The following ANO1 variants were observed in gnomAD, a reference collection of about 807,000 sequenced individuals.
The protein encoded by ANO1 is anoctamin-1.
ANO1 carries 59 observed loss-of-function variants against 124.0 expected under a neutral mutation model. The ratio of observed to expected loss-of-function variants is 0.48; its 90% CI spans 0.39 to 0.59. The LOEUF (loss-of-function observed/expected upper bound fraction) is 0.59. Among genes scored for constraint, ANO1 ranks in the 20% least tolerant of loss-of-function variants. The pLI is 0.00. For synonymous variants in ANO1, 529 were observed against 532.0 expected, an observed-to-expected ratio of 0.99 and a Z score of 0.08; for missense variants, 1,059 against 1,328.0, an observed-to-expected ratio of 0.80 and a Z score of 3.15.
At chr11:70,013,000 C>T (rs61886393) in intron 1 of ANO1, among the ~76,000 whole-genome samples, 14,028 of 152,118 alleles carry the variant, frequency 0.092, 997 homozygotes, top group East Asian at 0.4. Context: ...CTGAGAGGGG[C>T]GCAATGAAGG....
At chr11:70,132,546 G>A (rs1038023514) in intron 11 of ANO1, among the ~76,000 whole-genome samples, 2 of 152,162 alleles carry the variant, frequency 1.3e-5, no homozygotes, top group Admixed American at 6.5e-5. Flanking sequence ...ATAAGGAGGC[G>A]AAGGCCTAAG....
At chr11:70,058,780 T>A (rs1857498774) in intron 1 of ANO1, among the ~76,000 whole-genome samples, 1 of 152,170 alleles carries the variant, frequency 6.6e-6, no homozygotes, top group South Asian at 2.1e-4. Flanking sequence ...CTTTAAAAGA[T>A]CATTAGTCCA....
chr11:70,037,571 G>A (rs1165277699), intron 1 of ANO1, among the ~76,000 whole-genome samples: 2 of 152,084 alleles, frequency 1.3e-5, no homozygotes, highest in African/African-American at 4.8e-5. Flanking sequence ...CAACCTTCAA[G>A]GGCAAGCCAG....
At position 70,087,604 on chromosome 11, in the gene ANO1, A is replaced by G. The variant is rs1428094230; in HGVS notation, c.109-148A>G. On this transcript the variant is annotated intron_variant, in intron 1 of 25. Transcript: ENST00000355303. The stretch of plus-strand genomic sequence containing the variant: ...TGTTCCCAGGTGTATCTCAGGCCCT[A>G]GGACAGTGCCTGGCCCGTGGAGGGC... 2.4e-5 allele frequency: 17 copies of G among 703,066 alleles called. No individual in the cohort carries two copies. The South Asian group carries it at 3.4e-4, about 14-fold the overall frequency. 43.6% of individuals were successfully genotyped at this position (703,066 alleles called of 1,614,324 possible).
intron 4 of ANO1, among the ~76,000 whole-genome samples, chr11:70,105,044 G>A (rs1026544635): frequency 7.9e-5 from 12 of 152,012 alleles, no homozygotes; most frequent in Admixed American, 7.9e-4. Context: ...AGGGGCTTGG[G>A]GCATTAGAGG....
intron 1 of ANO1, among the ~76,000 whole-genome samples, chr11:69,990,345 A>G (rs61885145): frequency 0.18 from 27,763 of 152,220 alleles, 2,822 homozygotes; most frequent in Admixed American, 0.22. Context: ...TTTATGGAGG[A>G]ATAATGTTCC....
At chr11:70,012,534 C>CCATCCATCCATCCATTGTTA (rs1856617510) in intron 1 of ANO1, among the ~76,000 whole-genome samples, 1 of 151,602 alleles carries the variant, frequency 6.6e-6, no homozygotes, top group African/African-American at 2.4e-5. Context: ...ATCCATTGTT[C>CCATCCATCCATCCATTGTTA]CATCTATCTA....
At chr11:69,978,243 C>T in the ANO1 span, among the ~76,000 whole-genome samples, 2 of 152,186 alleles carry the variant, frequency 1.3e-5, no homozygotes, top group Non-Finnish European at 1.5e-5. Context: ...TCGGGTCCGA[C>T]GAAAACAGCA....
chr11:70,156,847 C>T, intron 15 of ANO1, 100 bp from the exon 16 acceptor site: 1 of 1,026,258 alleles, frequency 9.7e-7, no homozygotes, highest in Non-Finnish European at 1.5e-6. Flanking sequence ...TTCAAGTTGT[C>T]CCTGGGCCCA....
chr11:70,185,766 T>A (rs1276617870), intron 25 of ANO1, 71 bp downstream of exon 25: 2 of 1,513,676 alleles, frequency 1.3e-6, no homozygotes, highest in African/African-American at 2.7e-5. Context: ...GCCTACAGTC[T>A]GGAAGTCAGG....
chr11:70,046,298 G>A (rs1314939571), intron 1 of ANO1, among the ~76,000 whole-genome samples: 1 of 152,090 alleles, frequency 6.6e-6, no homozygotes, highest in African/African-American at 2.4e-5. Context: ...AGGGCAAGAT[G>A]GCACACACCA....
intron 11 of ANO1, among the ~76,000 whole-genome samples, chr11:70,141,063 C>T (rs1240587631): frequency 6.6e-6 from 1 of 152,154 alleles, no homozygotes; most frequent in Non-Finnish European, 1.5e-5. Context: ...CAGATGCGCA[C>T]CCCGGCCCAT....
chr11:69,970,546 T>C, the ANO1 span, among the ~76,000 whole-genome samples: 1 of 152,176 alleles, frequency 6.6e-6, no homozygotes, highest in Non-Finnish European at 1.5e-5. Context: ...AGCGAAATGT[T>C]TACATAAGGG....
chr11:70,067,007 C>T (rs989315517), intron 1 of ANO1, among the ~76,000 whole-genome samples: 2 of 152,174 alleles, frequency 1.3e-5, no homozygotes, highest in Non-Finnish European at 1.5e-5. Context: ...GGATCATGAC[C>T]GGCACTGCTG....
At chr11:69,998,476 G>A (rs1430340018) in intron 1 of ANO1, among the ~76,000 whole-genome samples, 1 of 152,242 alleles carries the variant, frequency 6.6e-6, no homozygotes, top group African/African-American at 2.4e-5. Context: ...GCCCCATTGT[G>A]TGGGCGTCCT....
intron 5 of ANO1, 58 bp from the exon 6 acceptor site, chr11:70,108,295 T>G: frequency 1.3e-6 from 2 of 1,553,124 alleles, no homozygotes. Context: ...GCAGACTGTT[T>G]CTGCTCGTGG....
In ANO1 at chr11:70,029,447, T is replaced by C. The variant is rs577865792; in HGVS notation, c.58+43281T>C. Among the ~76,000 whole-genome samples the C allele has an allele frequency of 2.1e-3, 322 of 152,326 alleles. 1 individual carries two copies. Among genetic ancestry groups the C allele is most frequent in the African/African-American group, 7.1e-3 (297 of 41,586 alleles). ...GGTGTTTCCTGGGGCCAAGTGCTGC[T>C]GCCAGCTGAATTGACTGGTGCTGGC... On this transcript the variant is annotated intron_variant, in intron 1 of 27. Transcript: ENST00000531349.
At chr11:69,987,604 C>CAAAAAAAAA (rs202001305) in intron 1 of ANO1, among the ~76,000 whole-genome samples, 5 of 109,720 alleles carry the variant, frequency 4.6e-5, no homozygotes, top group African/African-American at 2.1e-4. Flanking sequence ...GACCATGTCT[C>CAAAAAAAAA]AAAAAAAAAA....
chr11:70,093,364 G>A (rs1590707480), intron 2 of ANO1, among the ~76,000 whole-genome samples: 1 of 143,360 alleles, frequency 7.0e-6, no homozygotes, highest in Non-Finnish European at 1.5e-5. Context: ...CATGGGGTCA[G>A]CTTTCAGGGT....
Sources: gnomAD v4.1 joint callset for allele counts (sites outside exome capture counted in the v4.1 genomes callset) on GRCh38, gnomAD v4.1.1 for gene constraint, MANE v1.5 for transcripts, NCBI Gene and HGNC (gene_info 2026-07-23, HGNC 2026-07-21) for gene names.